Variants in RLIM observed in about 807,000 individuals in gnomAD.
The protein encoded by RLIM is ring finger protein, LIM domain interacting.
Under a neutral mutation model 34.0 loss-of-function variants are expected in RLIM, and 2 were observed. That is an observed-to-expected ratio of 0.06 (90% CI 0.02 to 0.19). The LOEUF (loss-of-function observed/expected upper bound fraction) is 0.19, where lower values mean the gene tolerates loss of function less well. RLIM is among the 10% of genes least tolerant of loss of function. The pLI, the probability that RLIM is intolerant of heterozygous loss-of-function variation, is 1.00. For synonymous variants in RLIM, 169 were observed against 164.0 expected (o/e 1.03, Z -0.23); for missense variants, 286 against 479.7 (o/e 0.60, Z 3.77).
chrX:74,588,298 C>T lies in RLIM; in HGVS notation c.*3142G>A, dbSNP rs2079596679. On this transcript the variant is annotated 3_prime_UTR_variant, in exon 4 of 4. Coordinates refer to ENST00000332687, the MANE Select transcript of RLIM (RefSeq NM_016120.4). ...CAGCCTGGCCAACACGGTGAAGTCCCCATCTCTACTAAAAATATAAAAACT... is the reference window on the plus strand; with the variant it reads ...CAGCCTGGCCAACACGGTGAAGTCCTCATCTCTACTAAAAATATAAAAACT... 1 of 110,878 alleles carries T rather than the reference C, an allele frequency of 9.0e-6. No individual in the cohort carries two copies. The highest frequency in any genetic ancestry group is 3.3e-5 in the African/African-American group (1 of 30,455). 9.1% of individuals were successfully genotyped at this position (110,878 alleles called of 1,213,427 possible).
At position 74,586,606 on chromosome X, in the gene RLIM, T is replaced by C. The variant is rs1473907563; in HGVS notation, c.*4834A>G. On this transcript the variant is annotated 3_prime_UTR_variant, in exon 4 of 4. Transcript: ENST00000332687. ...AACACTGTTATACAGCTCAATTCTA[T>C]GCTGCAGCCTTTAAGATACAAACTG... The C allele has an allele frequency of 4.4e-5, 5 of 112,509 alleles. No individual in the cohort carries two copies. The Admixed American group carries it at 4.7e-4, about 11-fold the overall frequency. 9.3% of individuals were successfully genotyped at this position (112,509 alleles called of 1,213,427 possible).
Position 74,612,398 on chromosome X carries a change from A to T in RLIM, c.-24+2024T>A, listed in dbSNP as rs1354247002. 1.4e-4 allele frequency among the ~76,000 whole-genome samples: 16 copies of T among 111,681 alleles called. No homozygotes were observed. The Admixed American group carries it at 1.5e-3, about 11-fold the overall frequency. Reference sequence around the variant, plus strand: ...AAGCACTGGTGAGTTCCAGGTATCCAGAAACATTACCCTTTTAATTCCCAG... The same window carrying T: ...AAGCACTGGTGAGTTCCAGGTATCCTGAAACATTACCCTTTTAATTCCCAG... On this transcript the variant is annotated intron_variant, in intron 1 of 3. Transcript: ENST00000332687.
At chrX:74,593,115 A>G in intron 3 of RLIM, 54 bp from the exon 4 acceptor site, 1 of 1,114,888 alleles carries the variant, frequency 9.0e-7, no homozygotes, top group Admixed American at 2.8e-5. Context: ...TAAAATGAGG[A>G]CAATCATATA....
intron 1 of RLIM, among the ~76,000 whole-genome samples, chrX:74,598,000 C>G (rs974918010): frequency 6.3e-5 from 7 of 111,802 alleles, no homozygotes; most frequent in African/African-American, 1.9e-4. Context: ...ATGAATCCAT[C>G]CTAAAACAAC....
intron 2 of RLIM, among the ~76,000 whole-genome samples, chrX:74,595,428 C>G (rs917408005): frequency 9.0e-6 from 1 of 111,669 alleles, no homozygotes; most frequent in Non-Finnish European, 1.9e-5. Context: ...AGGATTACAA[C>G]TGGGACATAT....
Position 74,583,748 on chromosome X carries a change from A to G in RLIM, c.*7692T>C, listed in dbSNP as rs907918641. 8.9e-6 allele frequency among the ~76,000 whole-genome samples: 1 copy of G among 111,849 alleles called. No homozygotes were observed. Among genetic ancestry groups the G allele is most frequent in the African/African-American group, 3.3e-5 (1 of 30,765 alleles). On this transcript the variant is annotated 3_prime_UTR_variant, in exon 4 of 4. Coordinates refer to ENST00000332687, the MANE Select transcript of RLIM (RefSeq NM_016120.4). ...ACCATTAATCCTCCAAAAAACAAAA[A>G]AACAAAAAACAATTTGCGGCCGGGC...
intron 1 of RLIM, among the ~76,000 whole-genome samples, chrX:74,598,315 T>C (rs1345494165): frequency 1.8e-5 from 2 of 111,377 alleles, no homozygotes; most frequent in Non-Finnish European, 3.8e-5. Flanking sequence ...GCAGTGGTAA[T>C]ATGCCAAAAG....
intron 1 of RLIM, among the ~76,000 whole-genome samples, chrX:74,606,918 T>C (rs1176032026): frequency 9.0e-6 from 1 of 110,892 alleles, no homozygotes; most frequent in Non-Finnish European, 1.9e-5. Context: ...GGCGGATCGC[T>C]TGAGCCCGGG....
At chrX:74,613,417 A>G (rs2079720246) in intron 1 of RLIM, among the ~76,000 whole-genome samples, 2 of 110,558 alleles carry the variant, frequency 1.8e-5, no homozygotes, top group Non-Finnish European at 3.8e-5. Flanking sequence ...GACCTCAATA[A>G]CAAGACTGCT....
At position 74,583,490 on chromosome X, in the gene RLIM, A is replaced by AGTAGCTGCAGCAGCT. The variant is rs976280420; in HGVS notation, c.*7935_*7949dup. 2 of 634,999 alleles carry AGTAGCTGCAGCAGCT rather than the reference A, an allele frequency of 3.1e-6. No homozygotes were observed. The highest frequency in any genetic ancestry group is 4.3e-5 in the African/African-American group (2 of 46,622). 52.3% of individuals were successfully genotyped at this position (634,999 alleles called of 1,213,427 possible). On this transcript the variant is annotated 3_prime_UTR_variant, in exon 4 of 4. Transcript: ENST00000332687. The stretch of plus-strand genomic sequence containing the variant: ...ACTGTGGAACGGTGCGGACAGCAGG[A>AGTAGCTGCAGCAGCT]GTAGCTGCAGCAGCTGTAGCTGCAA...
rs910075628 is a variant in RLIM at position 74,591,163 on chromosome X, T to C, written c.*277A>G. On this transcript the variant is annotated 3_prime_UTR_variant, in exon 4 of 4. Coordinates refer to ENST00000332687, the MANE Select transcript of RLIM (RefSeq NM_016120.4). ...ATCTTTTAAGATAACAAAGGAAAAATTGACAAGTGTATATGATAAATTATC... is the reference window on the plus strand; with the variant it reads ...ATCTTTTAAGATAACAAAGGAAAAACTGACAAGTGTATATGATAAATTATC... 16 of 289,193 alleles carry C rather than the reference T, an allele frequency of 5.5e-5. No homozygotes were observed. In the South Asian group the frequency reaches 7.6e-4, roughly 14 times the overall value. 23.8% of individuals were successfully genotyped at this position (289,193 alleles called of 1,213,427 possible). A position where few individuals can be genotyped will look rare whatever the true frequency, so the allele number is the denominator to read the frequency against.
In RLIM at chrX:74,589,178, CAAT is replaced by C. The variant is rs1189566243; in HGVS notation, c.*2259_*2261del. On this transcript the variant is annotated 3_prime_UTR_variant, in exon 4 of 4. Transcript: ENST00000332687. ...GGGAGATTAGGAAGGTACCTGTTGT[CAAT>C]AACTTTCTCTTATGCTTAGAATGTG... 9.0e-6 allele frequency: 1 copy of C among 111,575 alleles called. No individual in the cohort carries two copies. The highest frequency in any genetic ancestry group is 1.9e-5 in the Non-Finnish European group (1 of 53,168). 9.2% of individuals were successfully genotyped at this position (111,575 alleles called of 1,213,427 possible).
intron 1 of RLIM, among the ~76,000 whole-genome samples, chrX:74,609,854 TA>T (rs2079700778): frequency 8.9e-6 from 1 of 111,759 alleles, no homozygotes; most frequent in South Asian, 3.7e-4. Flanking sequence ...TTTCCTCCTA[TA>T]GTCAAGGGGA....
chrX:74,585,710 A>G lies in RLIM; in HGVS notation c.*5730T>C, dbSNP rs1007532560. On this transcript the variant is annotated 3_prime_UTR_variant, in exon 4 of 4. Coordinates refer to ENST00000332687, the MANE Select transcript of RLIM (RefSeq NM_016120.4). ...TGTGTACATTCTCAAAATTTAATAC[A>G]GGGCTTCCCAACCAGGAGTCTGCTG... The G allele has an allele frequency of 5.4e-5, 6 of 112,144 alleles. No individual in the cohort carries two copies. Among genetic ancestry groups the G allele is most frequent in the Non-Finnish European group, 9.4e-5 (5 of 53,266 alleles). 9.2% of individuals were successfully genotyped at this position (112,144 alleles called of 1,213,427 possible). A position where few individuals can be genotyped will look rare whatever the true frequency, so the allele number is the denominator to read the frequency against.
At chrX:74,608,050 T>C (rs2079690201) in intron 1 of RLIM, among the ~76,000 whole-genome samples, 1 of 111,998 alleles carries the variant, frequency 8.9e-6, no homozygotes, top group Non-Finnish European at 1.9e-5. Context: ...TATCTTTTTT[T>C]ATTCTACACA....
At chrX:74,598,495 A>G (rs996695512) in intron 1 of RLIM, among the ~76,000 whole-genome samples, 2 of 109,339 alleles carry the variant, frequency 1.8e-5, no homozygotes, top group Non-Finnish European at 3.8e-5. Context: ...AAGATAAAAA[A>G]TTGCCAGGCG....
rs756830677 is a variant in RLIM, at chrX:74,593,099, AACT to A, written c.254-41_254-39del. The A allele has an allele frequency of 5.2e-6, 6 of 1,153,342 alleles. No individual in the cohort carries two copies. The African/African-American group carries it at 1.1e-4, about 21-fold the overall frequency. ...AAGGAGGGGGAGAGGGAGAAAAAGG[AACT>A]ACTAAAATGAGGACAATCATATAAG... On this transcript the variant is annotated intron_variant, in intron 3 of 3. Transcript: ENST00000332687.
chrX:74,611,820 T>C (rs1304748293), intron 1 of RLIM, among the ~76,000 whole-genome samples: 1 of 112,081 alleles, frequency 8.9e-6, no homozygotes, highest in Non-Finnish European at 1.9e-5. Flanking sequence ...ACTTAACCTC[T>C]TTGGGTTTTT....
At chrX:74,607,545 A>G (rs1023028905) in intron 1 of RLIM, among the ~76,000 whole-genome samples, 3 of 112,776 alleles carry the variant, frequency 2.7e-5, no homozygotes, top group Non-Finnish European at 5.6e-5. Context: ...CCCTGTCTCT[A>G]CAAAAATACA....
Sources: gnomAD v4.1 joint callset for allele counts (sites outside exome capture counted in the v4.1 genomes callset) on GRCh38, gnomAD v4.1.1 for gene constraint, MANE v1.5 for transcripts, NCBI Gene and HGNC (gene_info 2026-07-23, HGNC 2026-07-21) for gene names.